Variants in GRM3 observed in about 807,000 individuals in gnomAD.
The protein encoded by GRM3 is glutamate metabotropic receptor 3.
In GRM3, 26 loss-of-function variants were observed where a neutral mutation model predicts 70.5. The ratio of observed to expected loss-of-function variants is 0.37; its 90% CI spans 0.27 to 0.51. GRM3 has a LOEUF of 0.51. Ranked by LOEUF, GRM3 falls within the 20% of genes least tolerant of loss-of-function variation. The pLI is 0.93. For synonymous variants in GRM3, 443 were observed against 434.9 expected (o/e 1.02, Z -0.23); for missense variants, 859 against 1,123.8 (o/e 0.76, Z 3.37).
chr7:86,747,118 A>G (rs548965112), intron 1 of GRM3, among the ~76,000 whole-genome samples: 3 of 152,202 alleles, frequency 2.0e-5, no homozygotes, highest in East Asian at 3.9e-4. Flanking sequence ...AGTGTCCATG[A>G]TCCCATTATA....
intron 1 of GRM3, among the ~76,000 whole-genome samples, chr7:86,668,654 A>G (rs1400237966): frequency 6.6e-6 from 1 of 152,088 alleles, no homozygotes; most frequent in African/African-American, 2.4e-5. Flanking sequence ...CCTAATATAG[A>G]CTTACCCTGC....
At chr7:86,854,283 T>C (rs548196623) in intron 5 of GRM3, among the ~76,000 whole-genome samples, 2 of 152,296 alleles carry the variant, frequency 1.3e-5, no homozygotes, top group African/African-American at 2.4e-5. Flanking sequence ...CACATTACTT[T>C]GGAGTCTAGG....
Position 86,674,845 on chromosome 7 carries a change from T to G in GRM3, c.-141+29973T>G, listed in dbSNP as rs550958551. ...AGATTTTTCTCAGACCTATACTTTC[T>G]GCATAGAATTTCTTGCCCTCTGTGA... On this transcript the variant is annotated intron_variant, in intron 1 of 5. Coordinates refer to ENST00000361669, the MANE Select transcript of GRM3 (RefSeq NM_000840.3). 1.2e-3 allele frequency among the ~76,000 whole-genome samples: 179 copies of G among 152,218 alleles called. 2 individuals are homozygous for G. Among genetic ancestry groups the G allele is most frequent in the African/African-American group, 4.0e-3 (166 of 41,556 alleles).
chr7:86,773,766 C>T (rs1361973346), intron 2 of GRM3, among the ~76,000 whole-genome samples: 1 of 152,086 alleles, frequency 6.6e-6, no homozygotes, highest in East Asian at 1.9e-4. Context: ...GTTAGCATTG[C>T]TTCATTGTAG....
In GRM3 at chr7:86,714,958, A is replaced by C. The variant is rs1795281922; in HGVS notation, c.-140-50048A>C. On this transcript the variant is annotated intron_variant, in intron 1 of 5. Transcript: ENST00000361669. ...CCATTTACCATGTGATTGTCACAAA[A>C]CAACTCTTGAATAAAAATTTCACCT... Among the ~76,000 whole-genome samples, 3 of 151,994 alleles carry C rather than the reference A, an allele frequency of 2.0e-5. No individual in the cohort carries two copies. The South Asian group carries it at 6.2e-4, about 31-fold the overall frequency.
chr7:86,668,660 C>T (rs575308943), intron 1 of GRM3, among the ~76,000 whole-genome samples: 15 of 152,182 alleles, frequency 9.9e-5, no homozygotes, highest in African/African-American at 3.4e-4. Context: ...ATAGACTTAC[C>T]CTGCAAATAT....
chr7:86,755,419 A>C (rs1796320658), intron 1 of GRM3, among the ~76,000 whole-genome samples: 1 of 152,120 alleles, frequency 6.6e-6, no homozygotes, highest in South Asian at 2.1e-4. Context: ...TAAAGACCCT[A>C]CTGTGCCAGA....
chr7:86,782,997 A>G (rs958723738), intron 2 of GRM3, among the ~76,000 whole-genome samples: 3 of 152,168 alleles, frequency 2.0e-5, no homozygotes, highest in Admixed American at 6.5e-5. Flanking sequence ...TTTTTCTTTT[A>G]TCATTCAAAA....
intron 1 of GRM3, among the ~76,000 whole-genome samples, chr7:86,731,293 G>C (rs1046513971): frequency 6.6e-6 from 1 of 151,964 alleles, no homozygotes; most frequent in East Asian, 1.9e-4. Flanking sequence ...TAGTCACCTG[G>C]GTTTAAATCC....
intron 1 of GRM3, among the ~76,000 whole-genome samples, chr7:86,731,344 A>C (rs1181252281): frequency 6.6e-6 from 1 of 152,176 alleles, no homozygotes; most frequent in Non-Finnish European, 1.5e-5. Flanking sequence ...TAGTCATTAC[A>C]CAAAATCCAT....
At chr7:86,831,317 T>A (rs1268578246) in intron 3 of GRM3, among the ~76,000 whole-genome samples, 2 of 152,230 alleles carry the variant, frequency 1.3e-5, no homozygotes, top group Non-Finnish European at 2.9e-5. Context: ...AATGCTTTTT[T>A]TTGTATGCAT....
intron 1 of GRM3, among the ~76,000 whole-genome samples, chr7:86,717,956 T>G (rs890562018): frequency 7.2e-6 from 1 of 139,284 alleles, no homozygotes; most frequent in East Asian, 2.2e-4. Flanking sequence ...AAAAAAAAAA[T>G]GCCTCACTAA....
At chr7:86,816,726 G>A (rs1245366203) in intron 3 of GRM3, among the ~76,000 whole-genome samples, 1 of 151,834 alleles carries the variant, frequency 6.6e-6, no homozygotes, top group Non-Finnish European at 1.5e-5. Context: ...CCATGTCTTT[G>A]CTGTTGTGAA....
chr7:86,698,363 T>A (rs894041972), intron 1 of GRM3, among the ~76,000 whole-genome samples: 6 of 151,792 alleles, frequency 4.0e-5, no homozygotes, highest in Non-Finnish European at 7.4e-5. Flanking sequence ...GTAACTTAAC[T>A]CTTTGTCTGG....
chr7:86,672,125 T>G (rs1794187218), intron 1 of GRM3, among the ~76,000 whole-genome samples: 1 of 152,186 alleles, frequency 6.6e-6, no homozygotes, highest in African/African-American at 2.4e-5. Context: ...TGATAAAAAG[T>G]CTACTCCATT....
intron 1 of GRM3, among the ~76,000 whole-genome samples, chr7:86,761,376 T>C (rs892895683): frequency 1.3e-5 from 2 of 152,126 alleles, no homozygotes; most frequent in Non-Finnish European, 2.9e-5. Context: ...AGTTGCAATA[T>C]TCAAGTACAA....
chr7:86,701,142 G>T (rs1325680393), intron 1 of GRM3, among the ~76,000 whole-genome samples: 1 of 151,620 alleles, frequency 6.6e-6, no homozygotes, highest in Non-Finnish European at 1.5e-5. Flanking sequence ...AGCCTAATAA[G>T]AAACTAAATA....
chr7:86,717,933 C>T (rs1795359403), intron 1 of GRM3, among the ~76,000 whole-genome samples: 1 of 115,600 alleles, frequency 8.7e-6, no homozygotes, highest in Non-Finnish European at 1.8e-5. Context: ...GTAGAAAATA[C>T]AGTATCAGCT....
chr7:86,786,730 G>T lies in GRM3; in HGVS notation c.938G>T (p.Ser313Ile). ...GCGCAGGAGAGCATCATCAAGGGCA[G>T]CGAGCATGTGGCCTACGGCGCCATC... ...WGAQESIIKG[S>I]EHVAYGAITL... is the part of the protein sequence containing the mutation. The change falls in exon 3 of 6, where the codon AGC becomes ATC. Residue 313 changes from serine to isoleucine, a missense_variant. Coordinates refer to ENST00000361669, the MANE Select transcript of GRM3 (RefSeq NM_000840.3). This position sits in a 1 kb window ranked among gnomAD's most constrained non-coding sequence, Gnocchi z 6.0. The T allele has an allele frequency of 1.2e-6, 2 of 1,613,428 alleles. No individual in the cohort carries two copies. The highest frequency in any genetic ancestry group is 1.7e-6 in the Non-Finnish European group (2 of 1,180,010).
Sources: gnomAD v4.1 joint callset for allele counts (sites outside exome capture counted in the v4.1 genomes callset) on GRCh38, gnomAD v4.1.1 for gene constraint, Gnocchi (gnomAD v3.1) non-coding constraint, MANE v1.5 for transcripts, NCBI Gene and HGNC (gene_info 2026-07-23, HGNC 2026-07-21) for gene names.